Variants in TRAF3IP2 observed in about 807,000 individuals in gnomAD.
The protein encoded by TRAF3IP2 is E3 ubiquitin ligase TRAF3IP2.
TRAF3IP2 carries 35 observed loss-of-function variants against 57.9 expected under a neutral mutation model. That is an observed-to-expected ratio of 0.60 (90% CI 0.46 to 0.80). The LOEUF is 0.80. Ranked by LOEUF, TRAF3IP2 falls within the 30% of genes least tolerant of loss-of-function variation. The pLI is 0.00. For missense variants in TRAF3IP2, 556 were observed against 706.4 expected (o/e 0.79, Z 2.41); for synonymous variants, 251 against 268.9 (o/e 0.93, Z 0.65).
At position 111,556,483 on chromosome 6, in the gene TRAF3IP2, C is replaced by T. The variant is rs949371315; in HGVS notation, c.*2922G>A. The T allele has an allele frequency of 6.6e-6, 1 of 151,918 alleles. No homozygotes were observed. The highest frequency in any genetic ancestry group is 1.5e-5 in the Non-Finnish European group (1 of 67,996). The allele number at this position is 151,918 out of a possible 1,614,324, so 9.4% of individuals were successfully genotyped here. On this transcript the variant is annotated 3_prime_UTR_variant, in exon 9 of 9. Transcript: ENST00000368761. ...TGTCATTTTATTTACAAACGGGTGTCGAATCCTTAATGATGGTGTCACCTC... is the reference window on the plus strand; with the variant it reads ...TGTCATTTTATTTACAAACGGGTGTTGAATCCTTAATGATGGTGTCACCTC...
At chr6:111,583,326 C>T (rs976392737) in intron 2 of TRAF3IP2, among the ~76,000 whole-genome samples, 4 of 152,206 alleles carry the variant, frequency 2.6e-5, no homozygotes, top group African/African-American at 9.7e-5. Flanking sequence ...ACCAGGGGCT[C>T]CCAACTCCCA....
At chr6:111,560,179 T>C (rs977143897) in intron 8 of TRAF3IP2, among the ~76,000 whole-genome samples, 3 of 151,822 alleles carry the variant, frequency 2.0e-5, no homozygotes, top group Non-Finnish European at 4.4e-5. Context: ...GGGGCAAGGG[T>C]GAAAGATTTG....
Position 111,575,833 on chromosome 6 carries a change from T to A in TRAF3IP2, c.1023-12A>T. The A allele has an allele frequency of 1.9e-6, 3 of 1,606,342 alleles. No homozygotes were observed. Among genetic ancestry groups the A allele is most frequent in the Non-Finnish European group, 2.5e-6 (3 of 1,177,542 alleles). On this transcript the variant is annotated splice_polypyrimidine_tract_variant and intron_variant, in intron 3 of 8. Coordinates refer to ENST00000368761, the MANE Select transcript of TRAF3IP2 (RefSeq NM_147686.4). ...GATGTGGCTGGTCCCTAGAAAGGAA[T>A]ACATTTACAGTCAATTTTCATTCTT... is the stretch of plus-strand genomic sequence containing the variant.
intron 3 of TRAF3IP2, among the ~76,000 whole-genome samples, chr6:111,577,355 GAATT>G (rs1430670051): frequency 6.6e-6 from 1 of 152,136 alleles, no homozygotes; most frequent in East Asian, 1.9e-4. Flanking sequence ...TAAACTTTCT[GAATT>G]AAAGTTCTCT....
At chr6:111,605,650 G>A (rs985452194) in intron 1 of TRAF3IP2, 126 bp downstream of exon 1, 2 of 152,364 alleles carry the variant, frequency 1.3e-5, no homozygotes, top group Non-Finnish European at 2.9e-5. Flanking sequence ...CAAGTTAAAG[G>A]AGGGGAGACG....
chr6:111,586,296 A>G (rs1335398690), intron 2 of TRAF3IP2, among the ~76,000 whole-genome samples: 1 of 151,260 alleles, frequency 6.6e-6, no homozygotes, highest in Non-Finnish European at 1.5e-5. Flanking sequence ...TATTCTATTC[A>G]GTCTCCTTGG....
intron 1 of TRAF3IP2, among the ~76,000 whole-genome samples, chr6:111,599,653 T>C (rs915649138): frequency 3.3e-5 from 5 of 152,228 alleles, no homozygotes; most frequent in Non-Finnish European, 5.9e-5. Context: ...CTTAACTTAC[T>C]AGTTTTTTGA....
intron 1 of TRAF3IP2, among the ~76,000 whole-genome samples, chr6:111,595,667 A>C (rs1419193898): frequency 6.6e-6 from 1 of 152,050 alleles, no homozygotes; most frequent in Non-Finnish European, 1.5e-5. Context: ...GCCTCTACTA[A>C]AAATACAAAA....
chr6:111,584,382 C>T (rs901899766), intron 2 of TRAF3IP2, among the ~76,000 whole-genome samples: 2 of 152,170 alleles, frequency 1.3e-5, no homozygotes, highest in Non-Finnish European at 2.9e-5. Context: ...CAATATAGTC[C>T]TCCATGCTGT....
chr6:111,597,873 T>A (rs1203331028), intron 1 of TRAF3IP2: 1 of 456,044 alleles, frequency 2.2e-6, no homozygotes, highest in South Asian at 1.5e-5. Context: ...AACTCTGGCA[T>A]GACCTTTGCT....
chr6:111,557,456 G>GTCTC lies in TRAF3IP2; in HGVS notation c.*1945_*1948dup, dbSNP rs1241614678. On this transcript the variant is annotated 3_prime_UTR_variant, in exon 9 of 9. Coordinates refer to ENST00000368761, the MANE Select transcript of TRAF3IP2 (RefSeq NM_147686.4). Reference sequence around the variant, plus strand: ...TTTTTTTTTTTTTTTTTGAGACGGAGTCTCACTCTATTGCCCAGGCTGGAG... The same window carrying GTCTC: ...TTTTTTTTTTTTTTTTTGAGACGGAGTCTCTCTCACTCTATTGCCCAGGCTGGAG... 2.3e-5 allele frequency: 3 copies of GTCTC among 131,830 alleles called. No homozygotes were observed. The highest frequency in any genetic ancestry group is 8.9e-5 in the African/African-American group (3 of 33,672). The allele number at this position is 131,830 out of a possible 1,614,324, so 8.2% of individuals were successfully genotyped here. A position where few individuals can be genotyped will look rare whatever the true frequency, so the allele number is the denominator to read the frequency against.
chr6:111,597,584 T>C (rs1359149736), intron 1 of TRAF3IP2, among the ~76,000 whole-genome samples: 1 of 152,242 alleles, frequency 6.6e-6, no homozygotes, highest in East Asian at 1.9e-4. Flanking sequence ...GTTTTGTCTT[T>C]AATGTCCATA....
rs56203275 is a variant in TRAF3IP2, at chr6:111,603,092, A to G, written c.-9+2684T>C. Among the ~76,000 whole-genome samples the G allele has an allele frequency of 8.4e-3, 1,253 of 148,980 alleles. 18 individuals carry two copies. The highest frequency in any genetic ancestry group is 0.031 in the African/African-American group (1,194 of 38,826). ...GTGCACACACAAGGTGTGCACACACACACACACACACACACACACAAGGCG... is the reference window on the plus strand; with the variant it reads ...GTGCACACACAAGGTGTGCACACACGCACACACACACACACACACAAGGCG... On this transcript the variant is annotated intron_variant, in intron 1 of 8. Coordinates refer to ENST00000368761, the MANE Select transcript of TRAF3IP2 (RefSeq NM_147686.4).
chr6:111,578,946 T>C (rs1177731335), intron 3 of TRAF3IP2, among the ~76,000 whole-genome samples: 1 of 152,134 alleles, frequency 6.6e-6, no homozygotes, highest in Non-Finnish European at 1.5e-5. Context: ...TTGTCATAAA[T>C]GAGGAAGCTC....
At chr6:111,597,361 T>G (rs1290075864) in intron 1 of TRAF3IP2, among the ~76,000 whole-genome samples, 1 of 152,136 alleles carries the variant, frequency 6.6e-6, no homozygotes, top group African/African-American at 2.4e-5. Flanking sequence ...CTGGTCTTTG[T>G]GCCTCTGCAG....
intron 5 of TRAF3IP2, among the ~76,000 whole-genome samples, chr6:111,570,992 C>T (rs1249576939): frequency 2.6e-5 from 4 of 152,094 alleles, no homozygotes; most frequent in Admixed American, 1.3e-4. Context: ...CTACAACTTC[C>T]ACCTCCCAGG....
chr6:111,577,842 G>C (rs1796037546), intron 3 of TRAF3IP2, among the ~76,000 whole-genome samples: 1 of 152,032 alleles, frequency 6.6e-6, no homozygotes, highest in Non-Finnish European at 1.5e-5. Context: ...CTCCTTAGTA[G>C]CTGGAACCAC....
chr6:111,598,938 G>A lies in TRAF3IP2; in HGVS notation c.-9+6838C>T, dbSNP rs181003680. On this transcript the variant is annotated intron_variant, in intron 1 of 8. Coordinates refer to ENST00000368761, the MANE Select transcript of TRAF3IP2 (RefSeq NM_147686.4). ...ATGTGCCTGGGGTAAGCATGGGTGG[G>A]CATGAGCTGGGTACAGAGGTGATTC... Among the ~76,000 whole-genome samples the A allele has an allele frequency of 8.1e-4, 124 of 152,174 alleles. 2 individuals are homozygous for A. The East Asian group carries it at 0.023, about 28-fold the overall frequency.
intron 3 of TRAF3IP2, among the ~76,000 whole-genome samples, chr6:111,576,037 C>T (rs1219592425): frequency 6.6e-6 from 1 of 152,086 alleles, no homozygotes; most frequent in Non-Finnish European, 1.5e-5. Context: ...GCTCTGACTC[C>T]AAAGAGGGAA....
Sources: allele counts gnomAD v4.1 joint callset (sites outside exome capture counted in the v4.1 genomes callset), GRCh38; gene constraint gnomAD v4.1.1; transcripts MANE v1.5; gene names NCBI Gene and HGNC (gene_info 2026-07-23, HGNC 2026-07-21).